The following DLG2 variants were observed in gnomAD, a reference collection of about 807,000 sequenced individuals.
DLG2 encodes disks large homolog 2.
Under a neutral mutation model 132.5 loss-of-function variants are expected in DLG2, and 45 were observed. That is an observed-to-expected ratio of 0.34 (90% CI 0.27 to 0.44). The LOEUF is 0.44. DLG2 is among the 20% of genes least tolerant of loss of function. The probability of loss-of-function intolerance (pLI) is 1.00; values close to 1 mark genes in which losing one functional copy is unlikely to be tolerated. For synonymous variants in DLG2, 424 were observed against 419.6 expected, an observed-to-expected ratio of 1.01 and a Z score of -0.13; for missense variants, 1,045 against 1,196.9, an observed-to-expected ratio of 0.87 and a Z score of 1.87.
chr11:84,975,499 T>TC (rs2054770036), intron 6 of DLG2, among the ~76,000 whole-genome samples: 2 of 152,142 alleles, frequency 1.3e-5, no homozygotes, highest in Admixed American at 1.3e-4. Flanking sequence ...TCATGAGAAA[T>TC]ACAACAAAGT....
intron 9 of DLG2, among the ~76,000 whole-genome samples, chr11:84,123,700 T>A (rs940685975): frequency 6.6e-6 from 1 of 152,170 alleles, no homozygotes; most frequent in Non-Finnish European, 1.5e-5. Flanking sequence ...ATTTAACCAA[T>A]CCCTTAACCA....
intron 10 of DLG2, among the ~76,000 whole-genome samples, chr11:84,065,611 T>G (rs1008528135): frequency 2.0e-5 from 3 of 152,172 alleles, no homozygotes; most frequent in Admixed American, 2.0e-4. Context: ...CTTATAATTG[T>G]TGGTGGGAGT....
chr11:85,243,861 A>C (rs906167964), intron 4 of DLG2, among the ~76,000 whole-genome samples: 4 of 151,990 alleles, frequency 2.6e-5, no homozygotes, highest in African/African-American at 4.8e-5. Flanking sequence ...GACATGGAAG[A>C]CAAACTGGAG....
At chr11:83,961,651 T>C (rs896962203) in intron 14 of DLG2, among the ~76,000 whole-genome samples, 2 of 151,996 alleles carry the variant, frequency 1.3e-5, no homozygotes, top group African/African-American at 4.8e-5. Context: ...TAATTCGCTA[T>C]GGGGCCTAGT....
chr11:84,303,280 G>C (rs1183776937), intron 7 of DLG2, among the ~76,000 whole-genome samples: 1 of 152,118 alleles, frequency 6.6e-6, no homozygotes, highest in Non-Finnish European at 1.5e-5. Context: ...CTGAGCTTTG[G>C]ACAATGAATG....
At chr11:83,859,728 T>C (rs751082634) in intron 16 of DLG2, among the ~76,000 whole-genome samples, 18 of 152,202 alleles carry the variant, frequency 1.2e-4, no homozygotes, top group Non-Finnish European at 2.4e-4. Flanking sequence ...GTTAGTCACC[T>C]AGAAAATGTG....
At chr11:84,290,258 C>A (rs552509967) in intron 7 of DLG2, among the ~76,000 whole-genome samples, 5 of 152,060 alleles carry the variant, frequency 3.3e-5, no homozygotes, top group African/African-American at 1.2e-4. Flanking sequence ...TTCACATAGG[C>A]GCCTTTTAGA....
intron 6 of DLG2, among the ~76,000 whole-genome samples, chr11:84,646,411 G>T (rs2099675044): frequency 6.6e-6 from 1 of 152,056 alleles, no homozygotes; most frequent in African/African-American, 2.4e-5. Context: ...ATGTATGAGG[G>T]TAAACAGAAG....
chr11:84,589,022 C>T (rs1565384722), intron 6 of DLG2, among the ~76,000 whole-genome samples: 1 of 152,156 alleles, frequency 6.6e-6, no homozygotes, highest in Non-Finnish European at 1.5e-5. Context: ...GAGGAAACCC[C>T]TGACCCAAAG....
At chr11:85,264,732 G>A (rs907258565) in intron 4 of DLG2, among the ~76,000 whole-genome samples, 2 of 152,084 alleles carry the variant, frequency 1.3e-5, no homozygotes, top group Non-Finnish European at 2.9e-5. Context: ...AGGGTACTAA[G>A]CATCTTTCTC....
At chr11:85,250,331 C>A (rs1345505683) in intron 4 of DLG2, among the ~76,000 whole-genome samples, 1 of 152,162 alleles carries the variant, frequency 6.6e-6, no homozygotes, top group Non-Finnish European at 1.5e-5. Flanking sequence ...TGCTATGTCA[C>A]CCACTGCTCT....
intron 3 of DLG2, among the ~76,000 whole-genome samples, chr11:85,393,489 G>A (rs1434118343): frequency 6.6e-6 from 1 of 151,924 alleles, no homozygotes; most frequent in Admixed American, 6.6e-5. Flanking sequence ...AGAAAAAGAA[G>A]TCATTATATG....
intron 6 of DLG2, among the ~76,000 whole-genome samples, chr11:84,807,243 T>C (rs1436324931): frequency 2.0e-5 from 3 of 152,078 alleles, no homozygotes; most frequent in African/African-American, 7.2e-5. Context: ...GTCAGGACTT[T>C]GAGACCAGCC....
intron 6 of DLG2, among the ~76,000 whole-genome samples, chr11:84,833,210 C>T (rs576865473): frequency 3.4e-4 from 52 of 151,522 alleles, no homozygotes; most frequent in African/African-American, 8.7e-4. Flanking sequence ...GCCCTCTGCC[C>T]CCAACCCTTC....
intron 19 of DLG2, among the ~76,000 whole-genome samples, chr11:83,589,681 A>G (rs535409871): frequency 6.6e-6 from 1 of 150,720 alleles, no homozygotes; most frequent in East Asian, 2.0e-4. Flanking sequence ...CTCCAATTAA[A>G]AGACACAGAC....
chr11:83,461,605 T>A (rs2090037428), intron 27 of DLG2: 1 of 159,558 alleles, frequency 6.3e-6, no homozygotes, highest in Non-Finnish European at 1.4e-5. Flanking sequence ...CCTCCAAGCT[T>A]CTTCTCAAGA....
intron 9 of DLG2, among the ~76,000 whole-genome samples, 175 bp downstream of exon 9, chr11:84,163,286 G>T (rs1034001366): frequency 8.5e-5 from 13 of 152,104 alleles, no homozygotes; most frequent in Admixed American, 6.6e-4. Flanking sequence ...TATTTGGTCT[G>T]CTGTCTCAAT....
At chr11:85,282,699 G>C (rs2152755650) in intron 4 of DLG2, among the ~76,000 whole-genome samples, 1 of 151,932 alleles carries the variant, frequency 6.6e-6, no homozygotes, top group Admixed American at 6.6e-5. Flanking sequence ...ATGCTTCTAT[G>C]CAATATATAT....
chr11:84,333,379 C>A (rs986221368), intron 7 of DLG2, among the ~76,000 whole-genome samples: 1 of 152,146 alleles, frequency 6.6e-6, no homozygotes, highest in African/African-American at 2.4e-5. Context: ...ACCACGTCAA[C>A]CATTGGGTTT....
Sources: allele counts gnomAD v4.1 joint callset (sites outside exome capture counted in the v4.1 genomes callset), GRCh38; gene constraint gnomAD v4.1.1; transcripts MANE v1.5; gene names NCBI Gene and HGNC (gene_info 2026-07-23, HGNC 2026-07-21).